The following TFE3 variants were observed in gnomAD, a reference collection of about 807,000 sequenced individuals.
The protein encoded by TFE3 is transcription factor binding to IGHM enhancer 3.
Under a neutral mutation model 35.0 loss-of-function variants are expected in TFE3, and 5 were observed. That is an observed-to-expected ratio of 0.14 (90% CI 0.07 to 0.30). The LOEUF is 0.30. TFE3 is among the 10% of genes least tolerant of loss of function. The pLI, the probability that TFE3 is intolerant of heterozygous loss-of-function variation, is 1.00. For missense variants in TFE3, 374 were observed against 496.6 expected (o/e 0.75, Z 2.35); for synonymous variants, 211 against 215.6 (o/e 0.98, Z 0.18).
intron 1 of TFE3, among the ~76,000 whole-genome samples, chrX:49,040,931 C>A (rs1311407809): frequency 9.6e-6 from 1 of 104,303 alleles, no homozygotes; most frequent in African/African-American, 3.9e-5. Context: ...CCCCCATACC[C>A]CCTACTTTTT....
rs781963537 is a variant in TFE3, at chrX:49,033,612, G to A, written c.1061-72C>T. ...CAATTAGCCAAAAATGGAAGAGACA[G>A]AAAGTAGGGAGTTGGGAGGCTGTTG... On this transcript the variant is annotated intron_variant, in intron 7 of 9. Coordinates refer to ENST00000315869, the MANE Select transcript of TFE3 (RefSeq NM_006521.6). 1.4e-3 allele frequency: 1,637 copies of A among 1,182,807 alleles called. 3 individuals are homozygous for A. Among genetic ancestry groups the A allele is most frequent in the Non-Finnish European group, 1.8e-3 (1,563 of 872,541 alleles).
At chrX:49,032,750 C>T (rs1288384500) in intron 8 of TFE3, among the ~76,000 whole-genome samples, 1 of 109,687 alleles carries the variant, frequency 9.1e-6, no homozygotes, top group Non-Finnish European at 1.9e-5. Flanking sequence ...TATTGGCTCA[C>T]TGCAACCTCC....
Position 49,030,438 on chromosome X carries a change from G to T in TFE3, c.1448C>A (p.Pro483His). The T allele has an allele frequency of 8.3e-7, 1 of 1,211,515 alleles. No individual in the cohort carries two copies. Among genetic ancestry groups the T allele is most frequent in the Non-Finnish European group, 1.1e-6 (1 of 895,429 alleles). ...GAATFHVGGGPAQNAPHQQPP... is the reference protein window; with the variant it reads ...GAATFHVGGGHAQNAPHQQPP... Reference sequence around the variant, plus strand: ...CTGCTGATGGGGAGCATTCTGGGCAGGTCCCCCCCCTACATGGAACGTTGC... The same window carrying T: ...CTGCTGATGGGGAGCATTCTGGGCATGTCCCCCCCCTACATGGAACGTTGC... Residue 483 changes from proline (P) to histidine (H), a missense_variant, in exon 10 of 10, where the codon CCT becomes CAT. By Grantham distance (77) the Pro-to-His change is moderately conservative. Around this residue, in one of 3 missense-constraint regions of TFE3, gnomAD observed 117 missense variants for 111.9 expected, o/e 1.05. Coordinates refer to ENST00000315869, the MANE Select transcript of TFE3 (RefSeq NM_006521.6).
chrX:49,040,137 A>T (rs782247742), intron 2 of TFE3, among the ~76,000 whole-genome samples: 1 of 110,342 alleles, frequency 9.1e-6, no homozygotes, highest in Non-Finnish European at 1.9e-5. Flanking sequence ...ACCCGGGGAC[A>T]TGAGTTTAAG....
At position 49,037,995 on chromosome X, in the gene TFE3, A is replaced by G. The variant is rs2064739548; in HGVS notation, c.885+15T>C. The G allele has an allele frequency of 8.5e-7, 1 of 1,179,899 alleles. No homozygotes were observed. The highest frequency in any genetic ancestry group is 1.8e-5 in the African/African-American group (1 of 56,510). On this transcript the variant is annotated intron_variant, in intron 5 of 9. Transcript: ENST00000315869. ...GCCCTAATTTTCAGACCAACCTCCCATCTCAGGGCCTCACCGTGCTGGGGA... is the reference window on the plus strand; with the variant it reads ...GCCCTAATTTTCAGACCAACCTCCCGTCTCAGGGCCTCACCGTGCTGGGGA...
In TFE3 at chrX:49,039,305, C is replaced by T. The variant is rs1487600565; in HGVS notation, c.336G>A (p.Ser112=). Residue 112 remains serine (S), a synonymous_variant, in exon 3 of 10, where the codon TCG becomes TCA. Transcript: ENST00000315869. The part of the protein sequence containing the change: ...RTPAMSSSSS[S]RVLLRQQLMR... ...TTAGCTGCTGCCGCAGCAAGACCCT[C>T]GATGAAGAAGATGACGACATGGCAG... 2 of 1,205,910 alleles carry T rather than the reference C, an allele frequency of 1.7e-6. No individual in the cohort carries two copies. The highest frequency in any genetic ancestry group is 2.2e-6 in the Non-Finnish European group (2 of 893,070).
intron 5 of TFE3, 121 bp downstream of exon 5, chrX:49,037,889 C>G: frequency 1.6e-6 from 1 of 613,380 alleles, no homozygotes; most frequent in Non-Finnish European, 2.6e-6. Context: ...CATAAGGCCT[C>G]CCTCTCTATC....
In TFE3 at chrX:49,039,269, C is replaced by T; in HGVS notation, c.372G>A (p.Gln124=). 8.3e-7 allele frequency: 1 copy of T among 1,207,831 alleles called. No individual in the cohort carries two copies. The highest frequency in any genetic ancestry group is 2.2e-5 in the Admixed American group (1 of 45,517). The change falls in exon 3 of 10, where the codon CAG becomes CAA. Residue 124 remains glutamine (Q), a synonymous_variant. Coordinates refer to ENST00000315869, the MANE Select transcript of TFE3 (RefSeq NM_006521.6). ...GCTCACGCCTCTCCTGCTCCTGCGC[C>T]TGGGCCCGCATTAGCTGCTGCCGCA... The part of the protein sequence containing the change: ...VLLRQQLMRA[Q]AQEQERRERR...
chrX:49,039,421 G>A lies in TFE3; in HGVS notation c.231-11C>T. The A allele has an allele frequency of 8.6e-7, 1 of 1,164,862 alleles. No individual in the cohort carries two copies. Among genetic ancestry groups the A allele is most frequent in the Non-Finnish European group, 1.1e-6 (1 of 872,244 alleles). ...AGTGATATTGGGAGGCTGTGGAATG[G>A]GAAATATGGGGCCATATTTTAGGTA... is the stretch of plus-strand genomic sequence containing the variant. On this transcript the variant is annotated splice_polypyrimidine_tract_variant and intron_variant, in intron 2 of 9. Coordinates refer to ENST00000315869, the MANE Select transcript of TFE3 (RefSeq NM_006521.6).
chrX:49,034,355 C>T, intron 5 of TFE3, 104 bp from the exon 6 acceptor site: 1 of 553,277 alleles, frequency 1.8e-6, no homozygotes, highest in Admixed American at 2.8e-5. Context: ...AAAGATGGGG[C>T]ACCCTCTAAT....
intron 8 of TFE3, 75 bp from the exon 9 acceptor site, chrX:49,031,619 C>T (rs2064700409): frequency 5.7e-6 from 6 of 1,048,252 alleles, no homozygotes; most frequent in Middle Eastern, 2.6e-4. Context: ...GGGGATTGCA[C>T]CAGGTGGGAG....
intron 5 of TFE3, among the ~76,000 whole-genome samples, chrX:49,035,482 C>T (rs2064724260): frequency 2.2e-5 from 2 of 89,359 alleles, no homozygotes; most frequent in Admixed American, 1.3e-4. Flanking sequence ...TCTCGGCTCA[C>T]TGCAAGCTCT....
rs1557075147 is a variant in TFE3, at chrX:49,038,383, C to T, written c.594G>A (p.Gln198=). 2 of 1,204,684 alleles carry T rather than the reference C, an allele frequency of 1.7e-6. No individual in the cohort carries two copies. The highest frequency in any genetic ancestry group is 3.6e-5 in the South Asian group (2 of 56,222). ...RYHLQQARRQ[Q]VKQYLSTTLG... ...GTGTGGTGGACAGGTACTGTTTCAC[C>T]TGCTGCCGGCGCGCCTGCTGCAGGT... The change falls in exon 4 of 10, where the codon CAG becomes CAA. Residue 198 remains glutamine, a synonymous_variant. Transcript: ENST00000315869.
rs2064755068 is a variant in TFE3, at chrX:49,040,556, C to G, written c.129G>C (p.Leu43Phe). The change falls in exon 2 of 10, where the codon TTG becomes TTC. Residue 43 changes from leucine (L) to phenylalanine (F), a missense_variant. Physicochemically the swap from Leu to Phe is conservative, Grantham distance 22 (BLOSUM62 0). Coordinates refer to ENST00000315869, the MANE Select transcript of TFE3 (RefSeq NM_006521.6). ...DSAQLLSLNS[L>F]LPESGIVADI... is the part of the protein sequence containing the mutation. ...CAGCAACAATCCCGGATTCCGGAAG[C>G]AAAGAGTTCAGGCTGAGGGGGAGGT... 3 of 1,201,863 alleles carry G rather than the reference C, an allele frequency of 2.5e-6. No individual in the cohort carries two copies. In the African/African-American group the frequency reaches 5.3e-5, roughly 21 times the overall value.
intron 8 of TFE3, 87 bp downstream of exon 8, chrX:49,033,378 C>G (rs2064710428): frequency 1.1e-6 from 1 of 887,980 alleles, no homozygotes; most frequent in Admixed American, 2.5e-5. Flanking sequence ...GCCGAGACTG[C>G]CTGGTGAGCC....
intron 5 of TFE3, among the ~76,000 whole-genome samples, chrX:49,035,552 A>G (rs1338483411): frequency 3.0e-5 from 3 of 101,622 alleles, no homozygotes; most frequent in South Asian, 4.9e-4. Flanking sequence ...GACTACAGGC[A>G]CCCGCCACCA....
chrX:49,029,978 G>A lies in TFE3; in HGVS notation c.*180C>T. 1.9e-6 allele frequency: 1 copy of A among 534,028 alleles called. No individual in the cohort carries two copies. Among genetic ancestry groups the A allele is most frequent in the Non-Finnish European group, 3.2e-6 (1 of 311,296 alleles). The allele number at this position is 534,028 out of a possible 1,213,427, so 44.0% of individuals were successfully genotyped here. A position where few individuals can be genotyped will look rare whatever the true frequency, so the allele number is the denominator to read the frequency against. Reference sequence around the variant, plus strand: ...GGCGGTTCCTTTGGGGAAGGTGCAGGGCCTCATCTGACTCCTCCTCCTTGC... The same window carrying A: ...GGCGGTTCCTTTGGGGAAGGTGCAGAGCCTCATCTGACTCCTCCTCCTTGC... On this transcript the variant is annotated 3_prime_UTR_variant, in exon 10 of 10. Transcript: ENST00000315869.
intron 8 of TFE3, among the ~76,000 whole-genome samples, 177 bp downstream of exon 8, chrX:49,033,287 TA>T (rs781857429): frequency 8.9e-6 from 1 of 112,000 alleles, no homozygotes; most frequent in African/African-American, 3.2e-5. Context: ...ATTATGTGCC[TA>T]AAATTTTAGG....
rs781784008 is a variant in TFE3, at chrX:49,029,726, C to A, written c.*432G>T. On this transcript the variant is annotated 3_prime_UTR_variant, in exon 10 of 10. Coordinates refer to ENST00000315869, the MANE Select transcript of TFE3 (RefSeq NM_006521.6). ...CTCTTCTGTGCCAGGACGGACTAGA[C>A]TGGTGGTTCCAAGACAAAGGATGGA... 4.5e-6 allele frequency: 2 copies of A among 443,242 alleles called. No individual in the cohort carries two copies. The highest frequency in any genetic ancestry group is 8.5e-6 in the Non-Finnish European group (2 of 235,044). The allele number at this position is 443,242 out of a possible 1,213,427, so 36.5% of individuals were successfully genotyped here. A position where few individuals can be genotyped will look rare whatever the true frequency, so the allele number is the denominator to read the frequency against.
Sources: gnomAD v4.1 joint callset for allele counts (sites outside exome capture counted in the v4.1 genomes callset) on GRCh38, gnomAD v4.1.1 for gene constraint, gnomAD v4.1.1 regional missense constraint, MANE v1.5 for transcripts, NCBI Gene and HGNC (gene_info 2026-07-23, HGNC 2026-07-21) for gene names.